The following FHIT variants were observed in gnomAD, a reference collection of about 807,000 sequenced individuals.
FHIT encodes fragile histidine triad diadenosine triphosphatase.
In FHIT, 19 loss-of-function variants were observed where a neutral mutation model predicts 17.9. That is an observed-to-expected ratio of 1.06 (90% CI 0.74 to 1.56). The LOEUF is 1.56. FHIT is among the 40% of genes most tolerant of loss of function. FHIT has a pLI of 0.00. For missense variants in FHIT, 248 were observed against 189.2 expected (o/e 1.31, Z -1.82); for synonymous variants, 81 against 69.7 (o/e 1.16, Z -0.81).
intron 8 of FHIT, among the ~76,000 whole-genome samples, chr3:59,785,973 C>T (rs1699269614): frequency 2.0e-5 from 3 of 152,190 alleles, no homozygotes; most frequent in Admixed American, 2.0e-4. Flanking sequence ...TGTCATGGCG[C>T]CTGTGAGCTC....
At chr3:59,985,357 G>A (rs1708847061) in intron 7 of FHIT, among the ~76,000 whole-genome samples, 1 of 152,006 alleles carries the variant, frequency 6.6e-6, no homozygotes, top group Non-Finnish European at 1.5e-5. Flanking sequence ...CAGACATAGG[G>A]GGTTATTTGT....
intron 4 of FHIT, among the ~76,000 whole-genome samples, chr3:60,791,652 C>T (rs1418190013): frequency 6.6e-6 from 1 of 152,116 alleles, no homozygotes; most frequent in African/African-American, 2.4e-5. Flanking sequence ...AATGCAGAAA[C>T]AATATAATAC....
In FHIT at chr3:60,143,875, T is replaced by G. The variant is rs111786900; in HGVS notation, c.104-129723A>C. ...CAAAATTAAATAAAGGTTGAGGTCA[T>G]AGGCCTCCAAATACAGGCCATACAG... is the stretch of plus-strand genomic sequence containing the variant. On this transcript the variant is annotated intron_variant, in intron 5 of 9. Transcript: ENST00000492590. Among the ~76,000 whole-genome samples the G allele has an allele frequency of 2.6e-5, 4 of 152,274 alleles. No individual in the cohort carries two copies. In the East Asian group the frequency reaches 7.7e-4, roughly 29 times the overall value.
chr3:60,727,936 A>G (rs1482616567), intron 4 of FHIT, among the ~76,000 whole-genome samples: 4 of 152,166 alleles, frequency 2.6e-5, no homozygotes, highest in South Asian at 4.1e-4. Context: ...CCCGGGAGGC[A>G]GAGCTTGCAG....
In FHIT at chr3:60,620,087, A is replaced by C. The variant is rs372087042; in HGVS notation, c.-17-83108T>G. On this transcript the variant is annotated intron_variant, in intron 4 of 9. Transcript: ENST00000492590. ...CAACATATATTATTAGGATATTGCA[A>C]ATTAAAACAATGATACCACTATGTA... Among the ~76,000 whole-genome samples the C allele has an allele frequency of 2.8e-4, 42 of 152,316 alleles. 1 individual carries two copies. The South Asian group carries it at 8.5e-3, about 31-fold the overall frequency.
At chr3:61,239,270 C>A (rs939928688) in intron 1 of FHIT, among the ~76,000 whole-genome samples, 7 of 152,186 alleles carry the variant, frequency 4.6e-5, no homozygotes, top group African/African-American at 1.7e-4. Flanking sequence ...CCCTGTATGG[C>A]CTGGGCCCTA....
chr3:60,513,714 G>A (rs529544058), intron 5 of FHIT, among the ~76,000 whole-genome samples: 1 of 152,142 alleles, frequency 6.6e-6, no homozygotes, highest in South Asian at 2.1e-4. Context: ...TGGACAGGAA[G>A]CAGGAGGGAA....
intron 3 of FHIT, among the ~76,000 whole-genome samples, chr3:60,998,675 A>G (rs1404467858): frequency 6.6e-6 from 1 of 152,078 alleles, no homozygotes; most frequent in Admixed American, 6.5e-5. Context: ...AAGGTTTATC[A>G]TTTACCTTTA....
In FHIT at chr3:60,797,590, G is replaced by C. The variant is rs189402551; in HGVS notation, c.-18+24329C>G. 9.5e-4 allele frequency among the ~76,000 whole-genome samples: 144 copies of C among 151,286 alleles called. 4 individuals are homozygous for C. The South Asian group carries it at 0.029, about 31-fold the overall frequency. ...CTCACAAATTCAGGCAATATTCACA[G>C]CTGTGGACATAGTAACTTAGGCATA... On this transcript the variant is annotated intron_variant, in intron 4 of 9. Coordinates refer to ENST00000492590, the MANE Select transcript of FHIT (RefSeq NM_002012.4).
intron 4 of FHIT, among the ~76,000 whole-genome samples, chr3:60,591,030 T>C (rs2038067865): frequency 6.6e-6 from 1 of 152,012 alleles, no homozygotes; most frequent in Non-Finnish European, 1.5e-5. Flanking sequence ...AAGTCAGCAA[T>C]AGTACCGTTT....
chr3:61,208,984 C>T (rs1308294369), intron 1 of FHIT, among the ~76,000 whole-genome samples: 4 of 151,958 alleles, frequency 2.6e-5, no homozygotes, highest in Admixed American at 6.6e-5. Context: ...TTAGTGCTTC[C>T]TTCAGGGGCT....
At chr3:60,487,944 T>C (rs1311962839) in intron 5 of FHIT, among the ~76,000 whole-genome samples, 1 of 152,246 alleles carries the variant, frequency 6.6e-6, no homozygotes, top group African/African-American at 2.4e-5. Flanking sequence ...ATGAAACTTC[T>C]AAGTACCTGT....
At chr3:60,702,338 A>G (rs1215733924) in intron 4 of FHIT, among the ~76,000 whole-genome samples, 1 of 152,164 alleles carries the variant, frequency 6.6e-6, no homozygotes, top group African/African-American at 2.4e-5. Context: ...TGCCATTCTG[A>G]TAAATTATAT....
intron 4 of FHIT, among the ~76,000 whole-genome samples, chr3:60,578,426 G>T (rs2037642700): frequency 7.6e-6 from 1 of 132,232 alleles, no homozygotes; most frequent in Non-Finnish European, 1.6e-5. Flanking sequence ...GAAAGAGCAT[G>T]ACTCCATCTA....
chr3:60,443,278 T>G (rs2031056166), intron 5 of FHIT, among the ~76,000 whole-genome samples: 1 of 152,164 alleles, frequency 6.6e-6, no homozygotes, highest in South Asian at 2.1e-4. Context: ...TTTCTCCTGC[T>G]GATTGCCCTG....
intron 7 of FHIT, among the ~76,000 whole-genome samples, chr3:59,983,014 C>T (rs561708346): frequency 1.3e-5 from 2 of 152,040 alleles, no homozygotes; most frequent in Admixed American, 1.3e-4. Flanking sequence ...TCTCAGCTCA[C>T]TGCAACCCCC....
chr3:59,955,880 T>A (rs761032096), intron 7 of FHIT, among the ~76,000 whole-genome samples: 28 of 152,332 alleles, frequency 1.8e-4, no homozygotes, highest in Middle Eastern at 6.8e-3. Context: ...TCCACTCCTG[T>A]ATCTCCACAG....
intron 7 of FHIT, among the ~76,000 whole-genome samples, chr3:59,981,369 C>G (rs1708647604): frequency 6.6e-6 from 1 of 152,136 alleles, no homozygotes; most frequent in African/African-American, 2.4e-5. Flanking sequence ...AGCTGATTAG[C>G]TGGTTTCATA....
At chr3:60,721,551 T>C (rs1312828484) in intron 4 of FHIT, among the ~76,000 whole-genome samples, 2 of 152,160 alleles carry the variant, frequency 1.3e-5, no homozygotes, top group Admixed American at 1.3e-4. Flanking sequence ...AGGAACAGAA[T>C]TGCTCTCTGG....
Sources: gnomAD v4.1 joint callset for allele counts (sites outside exome capture counted in the v4.1 genomes callset) on GRCh38, gnomAD v4.1.1 for gene constraint, MANE v1.5 for transcripts, NCBI Gene and HGNC (gene_info 2026-07-23, HGNC 2026-07-21) for gene names.